E2F8: variants seen among roughly 807,000 people sequenced by gnomAD.
The protein encoded by E2F8 is E2F transcription factor 8.
Under a neutral mutation model 80.8 loss-of-function variants are expected in E2F8, and 35 were observed. That is an observed-to-expected ratio of 0.43 (90% CI 0.33 to 0.57). The LOEUF is 0.57. Among genes scored for constraint, E2F8 ranks in the 20% least tolerant of loss-of-function variants. The probability of loss-of-function intolerance (pLI) is 0.04; values close to 1 mark genes in which losing one functional copy is unlikely to be tolerated. For missense variants in E2F8, 975 were observed against 1,056.2 expected (o/e 0.92, Z 1.07); for synonymous variants, 386 against 395.0 (o/e 0.98, Z 0.27).
In E2F8 at chr11:19,229,891, T is replaced by C; in HGVS notation, c.1456A>G (p.Thr486Ala). Residue 486 changes from threonine to alanine, a missense_variant, in exon 10 of 13, where the codon ACA (threonine) becomes GCA (alanine). Coordinates refer to ENST00000250024, the MANE Select transcript of E2F8 (RefSeq NM_024680.4). The surrounding 1 kb of genome is among the most constrained non-coding windows in gnomAD (Gnocchi z 4.3). ...DPPVNAEMELTAPSLIQPLGM... is the reference protein window; with the variant it reads ...DPPVNAEMELAAPSLIQPLGM... ...AGGGGCTGGATGAGGGACGGTGCTG[T>C]CAGCTCCATCTCAGCATTCACTGGG... 1 of 1,614,044 alleles carries C rather than the reference T, an allele frequency of 6.2e-7. No individual in the cohort carries two copies. The highest frequency in any genetic ancestry group is 1.1e-5 in the South Asian group (1 of 91,074).
rs531800746 is a variant in E2F8, at chr11:19,234,251, G to C, written c.928+109C>G. The C allele has an allele frequency of 3.3e-6, 4 of 1,214,940 alleles. No homozygotes were observed. In the African/African-American group the frequency reaches 6.1e-5, roughly 19 times the overall value. The allele number at this position is 1,214,940 out of a possible 1,614,324, so 75.3% of individuals were successfully genotyped here. ...GGGAGAAGATATAAAAACATAATTA[G>C]AGAAGATCTGTTTATGCACCTATGT... is the stretch of plus-strand genomic sequence containing the variant. On this transcript the variant is annotated intron_variant, in intron 6 of 12. Coordinates refer to ENST00000250024, the MANE Select transcript of E2F8 (RefSeq NM_024680.4).
chr11:19,230,714 G>A lies in E2F8; in HGVS notation c.1187C>T (p.Ser396Phe). 6.2e-7 allele frequency: 1 copy of A among 1,614,184 alleles called. No homozygotes were observed. Residue 396 changes from serine to phenylalanine, a missense_variant, in exon 8 of 13, where the codon TCT (serine) becomes TTT (phenylalanine). Physicochemically the swap from Ser to Phe is radical, Grantham distance 155 (BLOSUM62 -2). Transcript: ENST00000250024. Reference protein sequence around the residue: ...RGKPNFTRHPSLIKLVKSIES... With the variant: ...RGKPNFTRHPFLIKLVKSIES... ...TATACTCTTTACCAATTTGATAAGA[G>A]ATGGGTGTCGAGTAAAGTTTGGTTT...
In E2F8 at chr11:19,230,203, G is replaced by T. The variant is rs762620789; in HGVS notation, c.1358+38C>A. Reference sequence around the variant, plus strand: ...GTAATCCTAACAATGTAATGTAAAAGTAATTCATCCTGTTATTAAAGAGGA... The same window carrying T: ...GTAATCCTAACAATGTAATGTAAAATTAATTCATCCTGTTATTAAAGAGGA... On this transcript the variant is annotated intron_variant, in intron 9 of 12. Coordinates refer to ENST00000250024, the MANE Select transcript of E2F8 (RefSeq NM_024680.4). 4.4e-6 allele frequency: 7 copies of T among 1,589,026 alleles called. No individual in the cohort carries two copies. The Admixed American group carries it at 7.0e-5, about 16-fold the overall frequency.
Position 19,237,196 on chromosome 11 carries a change from A to G in E2F8, c.451+118T>C, listed in dbSNP as rs1032897674. On this transcript the variant is annotated intron_variant, in intron 4 of 12. Coordinates refer to ENST00000250024, the MANE Select transcript of E2F8 (RefSeq NM_024680.4). ...AGGGCTTTAGAGATAGAAAATTTCCATGCCGGCTTATTTGTGTCATTTACA... is the reference window on the plus strand; with the variant it reads ...AGGGCTTTAGAGATAGAAAATTTCCGTGCCGGCTTATTTGTGTCATTTACA... The G allele has an allele frequency of 3.0e-6, 3 of 1,010,538 alleles. No individual in the cohort carries two copies. The African/African-American group carries it at 4.9e-5, about 17-fold the overall frequency. 62.6% of individuals were successfully genotyped at this position (1,010,538 alleles called of 1,614,324 possible). A position where few individuals can be genotyped will look rare whatever the true frequency, so the allele number is the denominator to read the frequency against.
chr11:19,232,637 A>G (rs1280486656), intron 6 of E2F8, among the ~76,000 whole-genome samples: 1 of 152,236 alleles, frequency 6.6e-6, no homozygotes, highest in African/African-American at 2.4e-5. Flanking sequence ...ACTTGATGAG[A>G]TCACCCTATC....
chr11:19,229,760 T>C lies in E2F8; in HGVS notation c.1587A>G (p.Gln529=). Reference sequence around the variant, plus strand: ...GGGGTGGCGTCACACTTTGGTGGGCTTGAGTGGGCTGCAGGTAGATGGCAT... The same window carrying C: ...GGGGTGGCGTCACACTTTGGTGGGCCTGAGTGGGCTGCAGGTAGATGGCAT... ...PSYAIYLQPT[Q]AHQSVTPPQG... The change falls in exon 10 of 13, where the codon CAA becomes CAG. Residue 529 remains glutamine, a synonymous_variant. Transcript: ENST00000250024. This position sits in a 1 kb window ranked among gnomAD's most constrained non-coding sequence, Gnocchi z 4.3. 1.2e-6 allele frequency: 2 copies of C among 1,614,130 alleles called. No homozygotes were observed. Among genetic ancestry groups the C allele is most frequent in the Non-Finnish European group, 1.7e-6 (2 of 1,180,024 alleles).
chr11:19,224,491 G>GTT lies in E2F8; in HGVS notation c.*166_*167insAA, dbSNP rs1851175783. ...TATATGTGTGTGTGTGTGTGTGTGT[G>GTT]TGTGTGTATATATATATATGTATGA... On this transcript the variant is annotated 3_prime_UTR_variant, in exon 13 of 13. Coordinates refer to ENST00000250024, the MANE Select transcript of E2F8 (RefSeq NM_024680.4). The GTT allele has an allele frequency of 1.8e-6, 1 of 553,924 alleles. No homozygotes were observed. The highest frequency in any genetic ancestry group is 2.6e-5 in the South Asian group (1 of 38,328). 34.3% of individuals were successfully genotyped at this position (553,924 alleles called of 1,614,324 possible). A position where few individuals can be genotyped will look rare whatever the true frequency, so the allele number is the denominator to read the frequency against.
chr11:19,229,541 T>C lies in E2F8; in HGVS notation c.1806A>G (p.Arg602=). ...KSRTREPAGE[R]GSKRASMLED... ...CGAGCATGCTTGCCCTCTTTGAGCC[T>C]CTTTCTCCAGCTGGCTCCCTGGTTC... is the stretch of plus-strand genomic sequence containing the variant. Residue 602 remains arginine (R), a synonymous_variant, in exon 10 of 13, where the codon AGA becomes AGG. Coordinates refer to ENST00000250024, the MANE Select transcript of E2F8 (RefSeq NM_024680.4). This position sits in a 1 kb window ranked among gnomAD's most constrained non-coding sequence, Gnocchi z 4.3. 1 of 1,614,266 alleles carries C rather than the reference T, an allele frequency of 6.2e-7. No individual in the cohort carries two copies. Among genetic ancestry groups the C allele is most frequent in the East Asian group, 2.2e-5 (1 of 44,888 alleles).
intron 2 of E2F8, 47 bp downstream of exon 2, chr11:19,240,060 A>T (rs1164060311): frequency 6.9e-7 from 1 of 1,451,132 alleles, no homozygotes. Flanking sequence ...AATCAGGATG[A>T]TACTGAATTT....
rs1232398635 is a variant in E2F8 at position 19,232,222 on chromosome 11, A to G, written c.1066+12T>C. ...AATAATAAAGCAGAGGGTGAAAGAA[A>G]AAAATACATACCACTGGTATTTGGA... On this transcript the variant is annotated intron_variant, in intron 7 of 12. Coordinates refer to ENST00000250024, the MANE Select transcript of E2F8 (RefSeq NM_024680.4). The G allele has an allele frequency of 1.2e-6, 2 of 1,608,012 alleles. No individual in the cohort carries two copies. Among genetic ancestry groups the G allele is most frequent in the Non-Finnish European group, 1.7e-6 (2 of 1,178,328 alleles).
chr11:19,230,817 G>C lies in E2F8; in HGVS notation c.1084C>G (p.His362Asp), dbSNP rs138078778. ...PNTSGSSPVI[H>D]FTPSDLEVRR... ...ACCTCCAAATCAGAGGGAGTAAAATGAATGACTGGGCTGGAGCCTGAAACA... is the reference window on the plus strand; with the variant it reads ...ACCTCCAAATCAGAGGGAGTAAAATCAATGACTGGGCTGGAGCCTGAAACA... Residue 362 changes from histidine to aspartate, a missense_variant, in exon 8 of 13, where the codon CAT (histidine) becomes GAT (aspartate). By Grantham distance (81) the His-to-Asp change is moderately conservative. Coordinates refer to ENST00000250024, the MANE Select transcript of E2F8 (RefSeq NM_024680.4). 2.5e-4 allele frequency: 400 copies of C among 1,614,132 alleles called. 1 individual carries two copies. The highest frequency in any genetic ancestry group is 3.1e-4 in the Non-Finnish European group (365 of 1,179,990).
In E2F8 at chr11:19,225,294, G is replaced by A. The variant is rs767538811; in HGVS notation, c.2348C>T (p.Thr783Ile). The change falls in exon 12 of 13, where the codon ACC (threonine) becomes ATC (isoleucine). Residue 783 changes from threonine to isoleucine, a missense_variant. Coordinates refer to ENST00000250024, the MANE Select transcript of E2F8 (RefSeq NM_024680.4). The part of the protein sequence containing the change: ...ENAGTQQGRA[T>I]NYDSPVPGQS... ...GCCTGGGACTGGTGAGTCATAGTTGGTGGCCCTTCCTTGCTGAGTGCCTGC... is the reference window on the plus strand; with the variant it reads ...GCCTGGGACTGGTGAGTCATAGTTGATGGCCCTTCCTTGCTGAGTGCCTGC... 6 of 1,614,150 alleles carry A rather than the reference G, an allele frequency of 3.7e-6. No individual in the cohort carries two copies. In the South Asian group the frequency reaches 6.6e-5, roughly 18 times the overall value.
In E2F8 at chr11:19,230,940, G is replaced by A. The variant is rs894764033; in HGVS notation, c.1067-106C>T. ...TAAAAGTGGCAAGTTACAGAGCACC[G>A]ACCATGTGCCTGTCACTGTTCTAAG... On this transcript the variant is annotated intron_variant, in intron 7 of 12. Coordinates refer to ENST00000250024, the MANE Select transcript of E2F8 (RefSeq NM_024680.4). 132 of 959,456 alleles carry A rather than the reference G, an allele frequency of 1.4e-4. 1 individual carries two copies. In the East Asian group the frequency reaches 2.6e-3, roughly 19 times the overall value. 59.4% of individuals were successfully genotyped at this position (959,456 alleles called of 1,614,324 possible). A position where few individuals can be genotyped will look rare whatever the true frequency, so the allele number is the denominator to read the frequency against.
At chr11:19,231,843 A>G (rs1031443298) in intron 7 of E2F8, among the ~76,000 whole-genome samples, 2 of 152,174 alleles carry the variant, frequency 1.3e-5, no homozygotes, top group African/African-American at 4.8e-5. Context: ...ATTGCCATTC[A>G]TCTTGAATCA....
At chr11:19,239,097 T>C (rs1029903170) in intron 2 of E2F8, among the ~76,000 whole-genome samples, 6 of 152,324 alleles carry the variant, frequency 3.9e-5, no homozygotes, top group Admixed American at 6.5e-5. Context: ...AGTAAAATAA[T>C]AGGCAGACCA....
At chr11:19,237,823 C>T (rs1315910336) in intron 3 of E2F8, 31 bp downstream of exon 3, 17 of 1,580,724 alleles carry the variant, frequency 1.1e-5, no homozygotes, top group African/African-American at 1.4e-5. Context: ...AACAAATTCC[C>T]CAGCCTCCAA....
chr11:19,238,357 G>A (rs1465941439), intron 2 of E2F8, among the ~76,000 whole-genome samples: 1 of 152,132 alleles, frequency 6.6e-6, no homozygotes, highest in Non-Finnish European at 1.5e-5. Context: ...AGCCATAAAT[G>A]TTTTCACCTT....
At chr11:19,225,673 C>T in intron 11 of E2F8, 58 bp from the exon 12 acceptor site, 1 of 1,609,714 alleles carries the variant, frequency 6.2e-7, no homozygotes, top group Admixed American at 1.7e-5. Context: ...AAGAAGTTGA[C>T]AAGGCTTAAG....
intron 3 of E2F8, 49 bp downstream of exon 3, chr11:19,237,805 C>CT: frequency 6.4e-7 from 1 of 1,568,316 alleles, no homozygotes; most frequent in Non-Finnish European, 8.6e-7. Context: ...AACCTCCCCC[C>CT]TCCCCCCAAC....
Sources: gnomAD v4.1 joint callset for allele counts (sites outside exome capture counted in the v4.1 genomes callset) on GRCh38, gnomAD v4.1.1 for gene constraint, Gnocchi (gnomAD v3.1) non-coding constraint, MANE v1.5 for transcripts, NCBI Gene and HGNC (gene_info 2026-07-23, HGNC 2026-07-21) for gene names.